The following ZNF665 variants were observed in gnomAD, a reference collection of about 807,000 sequenced individuals.
ZNF665 encodes zinc finger protein 665.
ZNF665 carries 6 observed loss-of-function variants against 7.9 expected under a neutral mutation model. That is an observed-to-expected ratio of 0.76 (90% CI 0.42 to 1.50). ZNF665 has a LOEUF of 1.50. Among genes scored for constraint, ZNF665 ranks in the 40% most tolerant of loss-of-function variants. The pLI, the probability that ZNF665 is intolerant of heterozygous loss-of-function variation, is 0.01. For synonymous variants in ZNF665, 242 were observed against 274.5 expected, an observed-to-expected ratio of 0.88 and a Z score of 1.17; for missense variants, 819 against 806.7, an observed-to-expected ratio of 1.02 and a Z score of -0.18.
In ZNF665 at chr19:53,165,578, G is replaced by A. The variant is rs367576178; in HGVS notation, c.912C>T (p.His304=). The change falls in exon 4 of 4, where the codon CAC becomes CAT. Residue 304 remains histidine, a synonymous_variant. Coordinates refer to ENST00000396424, the MANE Select transcript of ZNF665 (RefSeq NM_024733.5). ...TATGAATTCTTCGATGACTTGCAAGGTGTGAATTTTGAGTGAAGCACTTGC... is the reference window on the plus strand; with the variant it reads ...TATGAATTCTTCGATGACTTGCAAGATGTGAATTTTGAGTGAAGCACTTGC... ...ECGKCFTQNS[H]LASHRRIHTG... is the part of the protein sequence containing the mutation. The A allele has an allele frequency of 6.8e-6, 11 of 1,613,922 alleles. No homozygotes were observed. In the South Asian group the frequency reaches 9.9e-5, roughly 14 times the overall value.
In ZNF665 at chr19:53,183,631, G is replaced by C. The variant is rs367618324; in HGVS notation, c.-45-688C>G. Among the ~76,000 whole-genome samples the C allele has an allele frequency of 3.3e-5, 5 of 151,968 alleles. No homozygotes were observed. The East Asian group carries it at 5.9e-4, about 18-fold the overall frequency. On this transcript the variant is annotated intron_variant, in intron 1 of 3. Transcript: ENST00000396424. ...AACAGCCAATACAGACAAGAGGTGA[G>C]GGTGGGGGTGGGGATGGAATGCTGA... is the stretch of plus-strand genomic sequence containing the variant.
intron 3 of ZNF665, 42 bp downstream of exon 3, chr19:53,175,403 C>T (rs1307893386): frequency 1.9e-6 from 3 of 1,591,590 alleles, no homozygotes; most frequent in South Asian, 1.1e-5. Flanking sequence ...TGAAAACATA[C>T]ACGAGAACAG....
At chr19:53,181,576 A>G (rs1433622150) in intron 2 of ZNF665, 1 of 152,234 alleles carries the variant, frequency 6.6e-6, no homozygotes, top group African/African-American at 2.4e-5. Context: ...AGAAGAATGC[A>G]TTGAAGTTTA....
At chr19:53,175,167 T>C (rs2090687509) in intron 3 of ZNF665, among the ~76,000 whole-genome samples, 1 of 151,970 alleles carries the variant, frequency 6.6e-6, no homozygotes, top group South Asian at 2.1e-4. Context: ...AACCACTCAA[T>C]CAAAAGCACA....
intron 3 of ZNF665, among the ~76,000 whole-genome samples, chr19:53,173,236 AT>A (rs2090671418): frequency 6.6e-6 from 1 of 151,964 alleles, no homozygotes; most frequent in Non-Finnish European, 1.5e-5. Flanking sequence ...ATTAACATCC[AT>A]TTCATTCTCC....
intron 2 of ZNF665, among the ~76,000 whole-genome samples, chr19:53,178,868 C>T (rs201636178): frequency 2.6e-5 from 4 of 152,192 alleles, no homozygotes; most frequent in Non-Finnish European, 4.4e-5. Flanking sequence ...ATAGTTTGCA[C>T]GCATTTGGAA....
intron 3 of ZNF665, among the ~76,000 whole-genome samples, chr19:53,168,366 T>C (rs2090633639): frequency 6.6e-6 from 1 of 152,112 alleles, no homozygotes; most frequent in South Asian, 2.1e-4. Context: ...TTTAAAAACA[T>C]TAAATACTTA....
intron 2 of ZNF665, among the ~76,000 whole-genome samples, chr19:53,179,189 C>T (rs368643503): frequency 5.9e-5 from 9 of 151,888 alleles, no homozygotes; most frequent in South Asian, 2.1e-4. Context: ...CTGGCTAACA[C>T]GGTGAAACCC....
intron 1 of ZNF665, among the ~76,000 whole-genome samples, chr19:53,189,465 C>T (rs1355568886): frequency 1.4e-5 from 2 of 146,308 alleles, no homozygotes; most frequent in African/African-American, 2.6e-5. Context: ...GGTCATGTGT[C>T]CACTGGACAG....
chr19:53,169,605 A>G (rs1340828767), intron 3 of ZNF665, among the ~76,000 whole-genome samples: 4 of 152,086 alleles, frequency 2.6e-5, no homozygotes, highest in Non-Finnish European at 4.4e-5. Flanking sequence ...ATATGTATAC[A>G]TGTGCCATGC....
rs1454705967 is a variant in ZNF665, at chr19:53,166,119, C to A, written c.371G>T (p.Arg124Ile). ...MLQKENLPGR[R>I]AQRDRRAAGN... ...TGCAGCCCTTCTATCACGTTGAGCTCTTCTACCAGGGAGATTTTCTTTTTG... is the reference window on the plus strand; with the variant it reads ...TGCAGCCCTTCTATCACGTTGAGCTATTCTACCAGGGAGATTTTCTTTTTG... The change falls in exon 4 of 4, where the codon AGA becomes ATA. Residue 124 changes from arginine (R) to isoleucine (I), a missense_variant. Arg to Ile is a moderately conservative substitution (Grantham distance 97, BLOSUM62 -3). Transcript: ENST00000396424. The A allele has an allele frequency of 2.5e-6, 4 of 1,613,772 alleles. No homozygotes were observed. In the African/African-American group the frequency reaches 4.0e-5, roughly 16 times the overall value.
chr19:53,168,055 C>CAAA (rs57521729), intron 3 of ZNF665, among the ~76,000 whole-genome samples: 92 of 66,380 alleles, frequency 1.4e-3, no homozygotes, highest in African/African-American at 4.7e-3. Flanking sequence ...GACTCCCTCT[C>CAAA]AAAAAAAAAA....
rs958368293 is a variant in ZNF665, at chr19:53,164,358, G to A, written c.*95C>T. 7 of 1,019,696 alleles carry A rather than the reference G, an allele frequency of 6.9e-6. No individual in the cohort carries two copies. The highest frequency in any genetic ancestry group is 2.6e-5 in the East Asian group (1 of 37,984). 63.2% of individuals were successfully genotyped at this position (1,019,696 alleles called of 1,614,324 possible). On this transcript the variant is annotated 3_prime_UTR_variant, in exon 4 of 4. Transcript: ENST00000396424. ...TCACCGTGTTGGCCAGCCTGGTCTC[G>A]AACTCGAGACCTCAGGTGATCCCCC...
rs534416651 is a variant in ZNF665, at chr19:53,179,169, C to T, written c.16-3598G>A. On this transcript the variant is annotated intron_variant, in intron 2 of 3. Transcript: ENST00000396424. ...CGGGTGGATCACGAGGTCAGGAGAT[C>T]GAGACCATCCTGGCTAACACGGTGA... Among the ~76,000 whole-genome samples, 590 of 151,926 alleles carry T rather than the reference C, an allele frequency of 3.9e-3. 5 individuals carry two copies. The highest frequency in any genetic ancestry group is 0.013 in the African/African-American group (535 of 41,440).
At chr19:53,182,495 C>A in intron 2 of ZNF665, 2 of 529,088 alleles carry the variant, frequency 3.8e-6, no homozygotes, top group Non-Finnish European at 6.8e-6. Flanking sequence ...TACAGCATTT[C>A]GTGGGTGCTT....
At position 53,166,283 on chromosome 19, in the gene ZNF665, C is replaced by T. The variant is rs185879478; in HGVS notation, c.207G>A (p.Ala69=). The change falls in exon 4 of 4, where the codon GCG becomes GCA. Residue 69 remains alanine (A), a synonymous_variant. Coordinates refer to ENST00000396424, the MANE Select transcript of ZNF665 (RefSeq NM_024733.5). ...GTCTCTCCAACTTCACCGTGTAGAA[C>T]GCTTCTCCCATATTGTTCTTCCCCT... ...PPKGKNNMGE[A]FYTVKLERLE... is the part of the protein sequence containing the mutation. 280 of 1,611,816 alleles carry T rather than the reference C, an allele frequency of 1.7e-4. 1 individual carries two copies. Among genetic ancestry groups the T allele is most frequent in the East Asian group, 9.8e-4 (44 of 44,860 alleles).
At chr19:53,173,009 G>C (rs1436556126) in intron 3 of ZNF665, among the ~76,000 whole-genome samples, 1 of 152,050 alleles carries the variant, frequency 6.6e-6, no homozygotes, top group Non-Finnish European at 1.5e-5. Context: ...TCTTCATTAT[G>C]TTAATTGTTC....
intron 3 of ZNF665, among the ~76,000 whole-genome samples, chr19:53,172,752 G>A (rs559074651): frequency 3.3e-5 from 5 of 151,350 alleles, no homozygotes; most frequent in African/African-American, 9.7e-5. Context: ...TTGAACCTGG[G>A]AGGCGGAGAT....
intron 3 of ZNF665, among the ~76,000 whole-genome samples, chr19:53,175,022 C>G (rs925361034): frequency 6.7e-6 from 1 of 149,732 alleles, no homozygotes; most frequent in Admixed American, 6.6e-5. Flanking sequence ...TTTCCAGAAT[C>G]GTACCCTTAG....
Sources: allele counts gnomAD v4.1 joint callset (sites outside exome capture counted in the v4.1 genomes callset), GRCh38; gene constraint gnomAD v4.1.1; transcripts MANE v1.5; gene names NCBI Gene and HGNC (gene_info 2026-07-23, HGNC 2026-07-21).